The following NPAS3 variants were observed in gnomAD, a reference collection of about 807,000 sequenced individuals.
NPAS3 encodes neuronal PAS domain protein 3.
NPAS3 carries 14 observed loss-of-function variants against 73.1 expected under a neutral mutation model. The ratio of observed to expected loss-of-function variants is 0.19; its 90% CI spans 0.13 to 0.30. The LOEUF is 0.30. NPAS3 is among the 10% of genes least tolerant of loss of function. NPAS3 has a pLI of 1.00. For synonymous variants in NPAS3, 620 were observed against 541.5 expected (o/e 1.14, Z -2.01); for missense variants, 1,096 against 1,250.0 (o/e 0.88, Z 1.86).
At chr14:33,002,655 G>A (rs2139579226) in intron 1 of NPAS3, among the ~76,000 whole-genome samples, 1 of 152,338 alleles carries the variant, frequency 6.6e-6, no homozygotes, top group Non-Finnish European at 1.5e-5. Flanking sequence ...AGGACTTACT[G>A]ATACCTGGAG....
At chr14:33,356,205 G>C (rs1366115281) in intron 3 of NPAS3, among the ~76,000 whole-genome samples, 1 of 152,232 alleles carries the variant, frequency 6.6e-6, no homozygotes, top group Non-Finnish European at 1.5e-5. Context: ...TCCTGGAAGA[G>C]AGAAGCAAGA....
At chr14:33,683,459 GTC>G (rs2059999828) in intron 6 of NPAS3, among the ~76,000 whole-genome samples, 1 of 139,842 alleles carries the variant, frequency 7.2e-6, no homozygotes, top group South Asian at 2.4e-4. Context: ...AAAGGTGGCC[GTC>G]TCTGTCATTG....
At position 33,482,219 on chromosome 14, in the gene NPAS3, A is replaced by C. The variant is rs2051365228; in HGVS notation, c.469-77902A>C. Among the ~76,000 whole-genome samples, 4 of 152,216 alleles carry C rather than the reference A, an allele frequency of 2.6e-5. No individual in the cohort carries two copies. The South Asian group carries it at 8.3e-4, about 32-fold the overall frequency. ...GTAATGAGTCTCCTCTAGAATTAAG[A>C]AGGTTTTATTCTTTTTTGAAAAACA... is the stretch of plus-strand genomic sequence containing the variant. On this transcript the variant is annotated intron_variant, in intron 4 of 11. Transcript: ENST00000356141.
intron 4 of NPAS3, among the ~76,000 whole-genome samples, chr14:33,426,866 G>T (rs1160450063): frequency 6.6e-6 from 1 of 152,092 alleles, no homozygotes; most frequent in Non-Finnish European, 1.5e-5. Flanking sequence ...TGTCACATTT[G>T]CAGTGAATTG....
chr14:33,176,684 G>A (rs563691518), intron 2 of NPAS3, among the ~76,000 whole-genome samples: 60 of 152,210 alleles, frequency 3.9e-4, no homozygotes, highest in African/African-American at 1.1e-3. Flanking sequence ...GAATGTTGGC[G>A]TACAAATATC....
In NPAS3 at chr14:33,081,597, C is replaced by T. The variant is rs977591759; in HGVS notation, c.140+25603C>T. Among the ~76,000 whole-genome samples, 28 of 152,350 alleles carry T rather than the reference C, an allele frequency of 1.8e-4. No individual in the cohort carries two copies. The South Asian group carries it at 3.5e-3, about 19-fold the overall frequency. On this transcript the variant is annotated intron_variant, in intron 2 of 11. Coordinates refer to ENST00000356141, the Ensembl canonical transcript of NPAS3. ...GGCCTCCCCACCATTTGCACAGTTT[C>T]TGCATGTTGAAGATGATCTGTCCAA...
intron 3 of NPAS3, among the ~76,000 whole-genome samples, chr14:33,313,851 G>A (rs1189609570): frequency 6.6e-6 from 1 of 151,906 alleles, no homozygotes; most frequent in Non-Finnish European, 1.5e-5. Context: ...TTTTATTTAA[G>A]CATCCCTTTT....
At chr14:33,783,589 G>T (rs989781896) in intron 9 of NPAS3, among the ~76,000 whole-genome samples, 6 of 148,230 alleles carry the variant, frequency 4.0e-5, no homozygotes, top group Admixed American at 6.7e-5. Context: ...TAGTTTTTTG[G>T]GGGGGTGGTG....
intron 3 of NPAS3, among the ~76,000 whole-genome samples, chr14:33,347,810 G>T (rs952705251): frequency 6.6e-6 from 1 of 151,880 alleles, no homozygotes; most frequent in African/African-American, 2.4e-5. Flanking sequence ...TTGTTACATT[G>T]TATTGCTCAG....
At chr14:33,767,402 C>T (rs1001949674) in intron 7 of NPAS3, among the ~76,000 whole-genome samples, 1 of 152,020 alleles carries the variant, frequency 6.6e-6, no homozygotes, top group Admixed American at 6.6e-5. Flanking sequence ...GCCCCCGTCA[C>T]TTAAAAATAA....
At chr14:33,799,273 G>A (rs975575807) in intron 11 of NPAS3, among the ~76,000 whole-genome samples, 2 of 152,116 alleles carry the variant, frequency 1.3e-5, no homozygotes, top group African/African-American at 4.8e-5. Flanking sequence ...ATTCACCAAG[G>A]GAAAATGCAG....
intron 5 of NPAS3, among the ~76,000 whole-genome samples, chr14:33,629,167 G>A (rs537757079): frequency 6.6e-4 from 100 of 150,672 alleles, no homozygotes; most frequent in Non-Finnish European, 1.2e-3. Flanking sequence ...CCCCGGAGGC[G>A]AAGTTTGCAG....
intron 5 of NPAS3, among the ~76,000 whole-genome samples, chr14:33,634,687 G>A (rs1054564097): frequency 1.3e-5 from 2 of 152,202 alleles, no homozygotes; most frequent in South Asian, 2.1e-4. Flanking sequence ...TAGGTTTGGG[G>A]ATACGGGGAG....
In NPAS3 at chr14:33,796,422, T is replaced by C. The variant is rs73260700; in HGVS notation, c.1302-1035T>C. On this transcript the variant is annotated intron_variant, in intron 10 of 11. Transcript: ENST00000356141. The stretch of plus-strand genomic sequence containing the variant: ...TAATTCACACGAAGGAGTAAATGCC[T>C]GATAATCCATTTTAGTGAATTACCC... Among the ~76,000 whole-genome samples, 1,067 of 152,324 alleles carry C rather than the reference T, an allele frequency of 7.0e-3. 11 individuals are homozygous for C. Among genetic ancestry groups the C allele is most frequent in the African/African-American group, 0.025 (1,031 of 41,572 alleles).
At chr14:33,069,078 G>T (rs1003071375) in intron 2 of NPAS3, among the ~76,000 whole-genome samples, 1 of 152,194 alleles carries the variant, frequency 6.6e-6, no homozygotes, top group South Asian at 2.1e-4. Context: ...TGCTTCAGGG[G>T]GCTGAGGGTG....
chr14:33,600,420 A>G (rs2057366505), intron 5 of NPAS3, among the ~76,000 whole-genome samples: 1 of 152,148 alleles, frequency 6.6e-6, no homozygotes, highest in Non-Finnish European at 1.5e-5. Flanking sequence ...TCTGCCCCTT[A>G]ACCAGTTTTC....
chr14:33,277,159 A>G (rs938373929), intron 3 of NPAS3, among the ~76,000 whole-genome samples: 3 of 152,274 alleles, frequency 2.0e-5, no homozygotes, highest in Non-Finnish European at 4.4e-5. Flanking sequence ...ACACAAAAAT[A>G]CCAGCCATTA....
At chr14:33,578,847 A>AT (rs1431484383) in intron 5 of NPAS3, among the ~76,000 whole-genome samples, 1 of 152,222 alleles carries the variant, frequency 6.6e-6, no homozygotes, top group Non-Finnish European at 1.5e-5. Context: ...AAAACAAAAC[A>AT]AAAACAGGGT....
intron 5 of NPAS3, among the ~76,000 whole-genome samples, chr14:33,652,895 T>G (rs1052506617): frequency 7.2e-5 from 8 of 111,402 alleles, no homozygotes; most frequent in Non-Finnish European, 1.2e-4. Context: ...CACCCCCATT[T>G]CTCACCCCCG....
Sources: gnomAD v4.1 joint callset for allele counts (sites outside exome capture counted in the v4.1 genomes callset) on GRCh38, gnomAD v4.1.1 for gene constraint, MANE v1.5 for transcripts, NCBI Gene and HGNC (gene_info 2026-07-23, HGNC 2026-07-21) for gene names.